PDE2A: variants seen among roughly 807,000 people sequenced by gnomAD.
PDE2A encodes phosphodiesterase 2A.
Under a neutral mutation model 133.6 loss-of-function variants are expected in PDE2A, and 53 were observed. The ratio of observed to expected loss-of-function variants is 0.40; its 90% CI spans 0.32 to 0.50. The LOEUF (loss-of-function observed/expected upper bound fraction) is 0.50, where lower values mean the gene tolerates loss of function less well. PDE2A is among the 20% of genes least tolerant of loss of function. PDE2A has a pLI of 0.73. For missense variants in PDE2A, 796 were observed against 1,232.4 expected (o/e 0.65, Z 5.30); for synonymous variants, 491 against 490.2 (o/e 1.00, Z -0.02).
Position 72,589,183 on chromosome 11 carries a change from G to C in PDE2A, c.931C>G (p.Leu311Val). The C allele has an allele frequency of 1.2e-6, 2 of 1,613,208 alleles. No individual in the cohort carries two copies. The highest frequency in any genetic ancestry group is 1.7e-6 in the Non-Finnish European group (2 of 1,179,358). The change falls in exon 12 of 31, where the codon CTC becomes GTC. Residue 311 changes from leucine to valine, a missense_variant. Physicochemically the swap from Leu to Val is conservative, Grantham distance 32. Coordinates refer to ENST00000334456, the MANE Select transcript of PDE2A (RefSeq NM_002599.5). ...GCCAGGCCATGACTTACGGAGGTGA[G>C]GTCCTTCAGCTGGATGGACTTCTTG... ...EDKKSIQLKD[L>V]TSEDVQQLQS...
chr11:72,578,330 T>C lies in PDE2A; in HGVS notation c.2518A>G (p.Met840Val). Residue 840 changes from methionine (M) to valine (V), a missense_variant, in exon 30 of 31, where the codon ATG becomes GTG. Physicochemically the swap from Met to Val is conservative, Grantham distance 21. Coordinates refer to ENST00000334456, the MANE Select transcript of PDE2A (RefSeq NM_002599.5). The surrounding 1 kb of genome is among the most constrained non-coding windows in gnomAD (Gnocchi z 4.2). ...ATCATCTCCATCGGCCTGTTGCCCA[T>C]GGCCTTCTCCTGCAGGCATCGAGTC... ...FFSQGDLEKA[M>V]GNRPMEMMDR... is the part of the protein sequence containing the mutation. The C allele has an allele frequency of 6.2e-7, 1 of 1,613,144 alleles. No individual in the cohort carries two copies. Among genetic ancestry groups the C allele is most frequent in the Admixed American group, 1.7e-5 (1 of 60,028 alleles).
intron 2 of PDE2A, among the ~76,000 whole-genome samples, chr11:72,616,318 G>T (rs765113859): frequency 1.2e-4 from 18 of 152,164 alleles, no homozygotes; most frequent in Non-Finnish European, 2.5e-4. Context: ...GGCTCCCACT[G>T]CCCCCCTTTC....
At chr11:72,629,087 G>C (rs1257811903) in intron 2 of PDE2A, among the ~76,000 whole-genome samples, 1 of 152,242 alleles carries the variant, frequency 6.6e-6, no homozygotes, top group Non-Finnish European at 1.5e-5. Flanking sequence ...GCTGAGGGCT[G>C]AGGAGCTCAT....
chr11:72,662,631 G>A (rs1435069769), intron 1 of PDE2A, among the ~76,000 whole-genome samples: 2 of 152,148 alleles, frequency 1.3e-5, no homozygotes, highest in Non-Finnish European at 2.9e-5. Flanking sequence ...CCTAGAGGAG[G>A]GTCTAGAGCT....
At chr11:72,627,083 C>T (rs1858114131) in intron 2 of PDE2A, among the ~76,000 whole-genome samples, 1 of 152,230 alleles carries the variant, frequency 6.6e-6, no homozygotes, top group East Asian at 1.9e-4. Context: ...TCCTCCAAGT[C>T]TCCAAGACCG....
At chr11:72,620,935 C>G (rs1397660485) in intron 2 of PDE2A, among the ~76,000 whole-genome samples, 1 of 152,016 alleles carries the variant, frequency 6.6e-6, no homozygotes, top group African/African-American at 2.4e-5. Context: ...TCACTGTGCT[C>G]CTACTGGTGC....
intron 2 of PDE2A, among the ~76,000 whole-genome samples, chr11:72,620,801 G>C (rs1260472118): frequency 6.6e-6 from 1 of 151,964 alleles, no homozygotes; most frequent in Non-Finnish European, 1.5e-5. Flanking sequence ...GCAGGGGAGA[G>C]GAGGGGGCAG....
chr11:72,579,901 C>T, intron 25 of PDE2A: 1 of 410,976 alleles, frequency 2.4e-6, no homozygotes, highest in African/African-American at 2.0e-5. Flanking sequence ...TGAAATGATC[C>T]TTTGGAGTCC....
intron 25 of PDE2A, 109 bp downstream of exon 25, chr11:72,580,468 G>T (rs552600427): frequency 2.4e-6 from 2 of 849,866 alleles, no homozygotes; most frequent in Non-Finnish European, 3.9e-6. Context: ...TGCAGCTCTC[G>T]CAGCCTGTCT....
intron 2 of PDE2A, among the ~76,000 whole-genome samples, chr11:72,624,101 C>G (rs969173964): frequency 1.3e-5 from 2 of 151,584 alleles, no homozygotes; most frequent in South Asian, 4.2e-4. Flanking sequence ...AAGTGATTCT[C>G]CTGTCTCAAC....
At chr11:72,593,324 C>A (rs1204344448) in intron 6 of PDE2A, among the ~76,000 whole-genome samples, 1 of 152,094 alleles carries the variant, frequency 6.6e-6, no homozygotes, top group Admixed American at 6.6e-5. Context: ...TGCACATGCA[C>A]CTGGCGCCCC....
intron 6 of PDE2A, among the ~76,000 whole-genome samples, chr11:72,592,951 T>C (rs1269137292): frequency 6.6e-6 from 1 of 152,006 alleles, no homozygotes; most frequent in Non-Finnish European, 1.5e-5. Context: ...ATGTTGGCAT[T>C]TTACTGTTAG....
Position 72,674,315 on chromosome 11 carries a change from C to A in PDE2A, c.-108G>T. 9.2e-7 allele frequency: 1 copy of A among 1,092,890 alleles called. No individual in the cohort carries two copies. The highest frequency in any genetic ancestry group is 1.3e-6 in the Non-Finnish European group (1 of 758,094). The allele number at this position is 1,092,890 out of a possible 1,614,324, so 67.7% of individuals were successfully genotyped here. A position where few individuals can be genotyped will look rare whatever the true frequency, so the allele number is the denominator to read the frequency against. On this transcript the variant is annotated 5_prime_UTR_variant, in exon 1 of 31. Coordinates refer to ENST00000334456, the MANE Select transcript of PDE2A (RefSeq NM_002599.5). ...CCCCAGCAGGCACAGGGACCAAGAG[C>A]AGTGGGCTGCCCCCTACTCAGCCTG...
At chr11:72,602,740 C>G (rs1006047459) in intron 4 of PDE2A, among the ~76,000 whole-genome samples, 2 of 152,214 alleles carry the variant, frequency 1.3e-5, no homozygotes, top group African/African-American at 4.8e-5. Context: ...CCCTGTTACC[C>G]CATTAAGCCA....
At chr11:72,595,463 C>T (rs1856437893) in intron 6 of PDE2A, among the ~76,000 whole-genome samples, 1 of 152,102 alleles carries the variant, frequency 6.6e-6, no homozygotes, top group African/African-American at 2.4e-5. Context: ...GCGGCCTTGG[C>T]TCCCTCAGTC....
At chr11:72,596,702 T>C in intron 5 of PDE2A, 54 bp from the exon 6 acceptor site, 1 of 1,222,218 alleles carries the variant, frequency 8.2e-7, no homozygotes, top group Non-Finnish European at 1.1e-6. Context: ...GGCTCAGAGA[T>C]ACCGAGCCGG....
At chr11:72,602,455 C>A (rs1162974421) in intron 4 of PDE2A, among the ~76,000 whole-genome samples, 4 of 152,146 alleles carry the variant, frequency 2.6e-5, no homozygotes, top group Admixed American at 6.5e-5. Flanking sequence ...TGGAGTAGCA[C>A]CCTCCCCACA....
chr11:72,599,346 C>A (rs1196840063), intron 4 of PDE2A, among the ~76,000 whole-genome samples: 2 of 152,132 alleles, frequency 1.3e-5, no homozygotes, highest in East Asian at 1.9e-4. Flanking sequence ...CAAAGGCCAC[C>A]TGGAGCCTCC....
intron 2 of PDE2A, among the ~76,000 whole-genome samples, chr11:72,626,027 C>T (rs1027903123): frequency 7.2e-5 from 11 of 152,284 alleles, no homozygotes; most frequent in Non-Finnish European, 1.6e-4. Flanking sequence ...GACCTGCCTG[C>T]GCCTCTATGC....
Sources: allele counts gnomAD v4.1 joint callset (sites outside exome capture counted in the v4.1 genomes callset), GRCh38; gene constraint gnomAD v4.1.1; non-coding constraint Gnocchi (gnomAD v3.1); transcripts MANE v1.5; gene names NCBI Gene and HGNC (gene_info 2026-07-23, HGNC 2026-07-21).